STPG4: variants seen among roughly 807,000 people sequenced by gnomAD.
STPG4 encodes the protein sperm-tail PG-rich repeat containing 4, also known as protein STPG4.
A neutral mutation model predicts 31.5 loss-of-function variants in STPG4; 41 were observed. The ratio of observed to expected loss-of-function variants is 1.30; its 90% confidence interval spans 1.01 to 1.69. The LOEUF is 1.69. Among genes scored for constraint, STPG4 ranks in the 40% most tolerant of loss-of-function variants. The pLI, the probability that STPG4 is intolerant of heterozygous loss-of-function variation, is 0.00. For missense variants in STPG4, 375 were observed against 293.4 expected (o/e 1.28, Z -2.03); for synonymous variants, 141 against 103.0 (o/e 1.37, Z -2.24).
At chr2:47,097,631 A>G (rs1037232472) in intron 5 of STPG4, among the ~76,000 whole-genome samples, 3 of 152,170 alleles carry the variant, frequency 2.0e-5, no homozygotes, top group African/African-American at 7.2e-5. Context: ...AGCACCATCT[A>G]TGAGGAAGGG....
At chr2:47,098,668 G>A (rs987898072) in intron 5 of STPG4, among the ~76,000 whole-genome samples, 1 of 151,246 alleles carries the variant, frequency 6.6e-6, no homozygotes, top group Non-Finnish European at 1.5e-5. Context: ...TTAAATACAA[G>A]TAATAAGCAG....
chr2:47,133,173 C>CTT (rs70940658), intron 3 of STPG4, among the ~76,000 whole-genome samples: 1 of 144,774 alleles, frequency 6.9e-6, no homozygotes, highest in Non-Finnish European at 1.5e-5. Context: ...CTTCTCAGTT[C>CTT]TTTTTTTTTT....
At position 47,151,202 on chromosome 2, in the gene STPG4, C is replaced by T. The variant is rs1222854646; in HGVS notation, c.399+56G>A. 6 of 1,595,576 alleles carry T rather than the reference C, an allele frequency of 3.8e-6. No homozygotes were observed. In the East Asian group the frequency reaches 6.7e-5, roughly 18 times the overall value. On this transcript the variant is annotated intron_variant, in intron 3 of 6. Coordinates refer to ENST00000445927, the MANE Select transcript of STPG4 (RefSeq NM_001163561.2). ...TATACTCTACGTATAAAAATACTTT[C>T]CTCAGGGGCTCTTAGTAGCTTTCCC... is the stretch of plus-strand genomic sequence containing the variant.
intron 2 of STPG4, among the ~76,000 whole-genome samples, 171 bp downstream of exon 2, chr2:47,152,786 G>A (rs55917773): frequency 0.018 from 2,756 of 152,252 alleles, 78 homozygotes; most frequent in African/African-American, 0.062. Flanking sequence ...TTAAAAGTTA[G>A]TTTCTTATTC....
chr2:47,122,069 A>T (rs1220200336), intron 5 of STPG4, among the ~76,000 whole-genome samples: 1 of 152,178 alleles, frequency 6.6e-6, no homozygotes, highest in Non-Finnish European at 1.5e-5. Flanking sequence ...GAGAGCTTTC[A>T]ATCAGCCTTT....
rs200494721 is a variant in STPG4 at position 47,127,165 on chromosome 2, A to AT, written c.519+2775dup. ...CTCTTAGATTTGCCGTTTTGAGGCT[A>AT]TTTTATAGATTTTGTAAGCATGCTT... On this transcript the variant is annotated intron_variant, in intron 5 of 6. Coordinates refer to ENST00000445927, the MANE Select transcript of STPG4 (RefSeq NM_001163561.2). Among the ~76,000 whole-genome samples, 1,172 of 137,768 alleles carry AT rather than the reference A, an allele frequency of 8.5e-3. 10 individuals are homozygous for AT. The highest frequency in any genetic ancestry group is 0.032 in the African/African-American group (1,139 of 35,658). The allele number at this position is 137,768 out of a possible 152,430, so 90.4% of individuals were successfully genotyped here. A position where few individuals can be genotyped will look rare whatever the true frequency, so the allele number is the denominator to read the frequency against.
intron 3 of STPG4, among the ~76,000 whole-genome samples, chr2:47,142,926 C>G (rs1035764901): frequency 4.2e-5 from 6 of 142,882 alleles, no homozygotes; most frequent in African/African-American, 7.7e-5. Flanking sequence ...TCACAGCAAC[C>G]TCCACCTCCT....
intron 5 of STPG4, among the ~76,000 whole-genome samples, chr2:47,107,809 C>G (rs1034979823): frequency 6.9e-6 from 1 of 144,544 alleles, no homozygotes; most frequent in Non-Finnish European, 1.5e-5. Context: ...CCAATCAGCA[C>G]TCTATCTAGC....
intron 5 of STPG4, among the ~76,000 whole-genome samples, chr2:47,097,219 C>T (rs1685691585): frequency 6.6e-6 from 1 of 152,060 alleles, no homozygotes; most frequent in Admixed American, 6.6e-5. Context: ...GAAAATAAAC[C>T]ATAGAGCAAA....
chr2:47,140,515 C>T (rs1420460582), intron 3 of STPG4, among the ~76,000 whole-genome samples: 1 of 152,196 alleles, frequency 6.6e-6, no homozygotes, highest in African/African-American at 2.4e-5. Context: ...GTTCCTACCC[C>T]AGCCATGGTT....
chr2:47,099,031 A>C (rs1181304229), intron 5 of STPG4, among the ~76,000 whole-genome samples: 1 of 152,200 alleles, frequency 6.6e-6, no homozygotes, highest in Non-Finnish European at 1.5e-5. Flanking sequence ...TCTGAAGTCT[A>C]CCTTGGTACT....
chr2:47,106,322 C>G (rs535887106), intron 5 of STPG4, among the ~76,000 whole-genome samples: 54 of 151,966 alleles, frequency 3.6e-4, no homozygotes, highest in African/African-American at 1.2e-3. Flanking sequence ...AACATTGCCC[C>G]AGGAAATCAG....
intron 5 of STPG4, among the ~76,000 whole-genome samples, chr2:47,102,416 G>C (rs1573155197): frequency 1.3e-5 from 2 of 151,778 alleles, no homozygotes; most frequent in African/African-American, 4.9e-5. Flanking sequence ...ACTACGGCTT[G>C]GCCCCAGTAT....
At chr2:47,111,759 C>G (rs1252393725) in intron 5 of STPG4, among the ~76,000 whole-genome samples, 2 of 152,200 alleles carry the variant, frequency 1.3e-5, no homozygotes, top group Non-Finnish European at 2.9e-5. Context: ...TCCTCACAGA[C>G]TTTCCTATGG....
intron 5 of STPG4, among the ~76,000 whole-genome samples, chr2:47,109,919 T>C (rs1032892920): frequency 6.6e-6 from 1 of 151,972 alleles, no homozygotes; most frequent in African/African-American, 2.4e-5. Flanking sequence ...TAAAGGTGAC[T>C]GAAACAGATC....
intron 5 of STPG4, among the ~76,000 whole-genome samples, chr2:47,120,692 C>A (rs1233122998): frequency 1.3e-5 from 2 of 152,084 alleles, no homozygotes; most frequent in Non-Finnish European, 2.9e-5. Context: ...ATAGGGGTAG[C>A]AAACATCCTG....
intron 1 of STPG4, among the ~76,000 whole-genome samples, chr2:47,154,439 A>AAGAC (rs1398223446): frequency 3.9e-5 from 6 of 152,360 alleles, no homozygotes; most frequent in Admixed American, 3.9e-4. Context: ...AATCTAATGG[A>AAGAC]AGACAATTGG....
intron 6 of STPG4, among the ~76,000 whole-genome samples, chr2:47,089,268 T>C (rs1488494883): frequency 6.6e-6 from 1 of 152,114 alleles, no homozygotes; most frequent in African/African-American, 2.4e-5. Flanking sequence ...CCCAGCCTCC[T>C]GCTGTCAGTC....
intron 5 of STPG4, among the ~76,000 whole-genome samples, chr2:47,107,310 C>T (rs1458167646): frequency 2.6e-5 from 4 of 152,094 alleles, no homozygotes; most frequent in African/African-American, 7.3e-5. Flanking sequence ...CGGGGCTGCG[C>T]GTGGTGCTTG....
Sources: gnomAD v4.1 joint callset for allele counts (sites outside exome capture counted in the v4.1 genomes callset) on GRCh38, gnomAD v4.1.1 for gene constraint, MANE v1.5 for transcripts, NCBI Gene and HGNC (gene_info 2026-07-23, HGNC 2026-07-21) for gene names.